ROBO1: variants seen among roughly 807,000 people sequenced by gnomAD.
The protein encoded by ROBO1 is roundabout guidance receptor 1, also known as roundabout homolog 1.
ROBO1 carries 149 observed loss-of-function variants against 195.9 expected under a neutral mutation model. The ratio of observed to expected loss-of-function variants is 0.76; its 90% CI spans 0.67 to 0.87. ROBO1 has a LOEUF of 0.87. Ranked by LOEUF, ROBO1 falls within the 40% of genes least tolerant of loss-of-function variation. The pLI is 0.00. For synonymous variants in ROBO1, 816 were observed against 733.2 expected, an observed-to-expected ratio of 1.11 and a Z score of -1.82; for missense variants, 1,933 against 2,068.3, an observed-to-expected ratio of 0.93 and a Z score of 1.27.
chr3:79,576,146 G>T (rs1022859961), intron 2 of ROBO1, among the ~76,000 whole-genome samples: 7 of 151,668 alleles, frequency 4.6e-5, no homozygotes. Flanking sequence ...CATTTGAACG[G>T]GGTTAAATAC....
chr3:79,026,051 G>A (rs2078197190), intron 3 of ROBO1, among the ~76,000 whole-genome samples: 1 of 152,048 alleles, frequency 6.6e-6, no homozygotes, highest in Non-Finnish European at 1.5e-5. Flanking sequence ...TGTATTACAT[G>A]TTATGTTTTA....
chr3:78,641,447 T>C (rs1037835868), intron 21 of ROBO1, among the ~76,000 whole-genome samples: 2 of 152,218 alleles, frequency 1.3e-5, no homozygotes, highest in Non-Finnish European at 2.9e-5. Flanking sequence ...GCCATCTTAC[T>C]ATTAAAATTG....
chr3:78,653,951 T>C (rs1347554646), intron 18 of ROBO1, among the ~76,000 whole-genome samples: 1 of 152,234 alleles, frequency 6.6e-6, no homozygotes, highest in African/African-American at 2.4e-5. Context: ...TTATAGCCAC[T>C]GTGCAAAGAG....
chr3:79,705,723 C>A (rs1281425514), intron 1 of ROBO1, among the ~76,000 whole-genome samples: 1 of 151,986 alleles, frequency 6.6e-6, no homozygotes, highest in African/African-American at 2.4e-5. Context: ...AAATAACTTG[C>A]TGGAGTTTTA....
rs1387864572 is a variant in ROBO1, at chr3:78,724,516, A to G, written c.658-6633T>C. On this transcript the variant is annotated intron_variant, in intron 5 of 30. Coordinates refer to ENST00000464233, the MANE Select transcript of ROBO1 (RefSeq NM_002941.4). ...CATGGTGAAACCCCATCTCTACTAA[A>G]AAAAAAAAAAAAAAAAAAAGCCTGG... Among the ~76,000 whole-genome samples the G allele has an allele frequency of 6.3e-4, 5 of 7,930 alleles. No homozygotes were observed. The East Asian group carries it at 0.14, about 227-fold the overall frequency. 5.2% of individuals were successfully genotyped at this position (7,930 alleles called of 152,430 possible).
intron 2 of ROBO1, among the ~76,000 whole-genome samples, chr3:79,464,906 T>C (rs2107284226): frequency 6.6e-6 from 1 of 152,312 alleles, no homozygotes; most frequent in Admixed American, 6.5e-5. Context: ...CTTCTGGCTT[T>C]AATCACATAG....
chr3:79,041,967 C>T (rs1341492877), intron 3 of ROBO1, among the ~76,000 whole-genome samples: 1 of 152,184 alleles, frequency 6.6e-6, no homozygotes, highest in Non-Finnish European at 1.5e-5. Context: ...GAGACTATAG[C>T]ATGACCAATT....
intron 2 of ROBO1, among the ~76,000 whole-genome samples, chr3:79,195,594 A>G (rs549940990): frequency 2.6e-5 from 4 of 151,688 alleles, no homozygotes; most frequent in Non-Finnish European, 4.4e-5. Context: ...GTATAATGAA[A>G]AATATTTTCA....
intron 3 of ROBO1, among the ~76,000 whole-genome samples, chr3:79,102,433 A>T (rs2079695549): frequency 1.3e-5 from 2 of 151,774 alleles, no homozygotes. Context: ...AATTAAGCTT[A>T]TTAAACATCA....
intron 1 of ROBO1, among the ~76,000 whole-genome samples, chr3:79,670,745 A>G (rs1301066421): frequency 6.6e-6 from 1 of 151,880 alleles, no homozygotes; most frequent in Admixed American, 6.6e-5. Flanking sequence ...TTTAGGACAG[A>G]AACTCACGTA....
chr3:79,210,491 A>T (rs1461032761), intron 2 of ROBO1, among the ~76,000 whole-genome samples: 1 of 152,180 alleles, frequency 6.6e-6, no homozygotes, highest in Non-Finnish European at 1.5e-5. Context: ...AAGGTACCTT[A>T]TATCTATCCA....
chr3:79,535,431 T>A (rs1353714399), intron 2 of ROBO1, among the ~76,000 whole-genome samples: 1 of 152,180 alleles, frequency 6.6e-6, no homozygotes, highest in Non-Finnish European at 1.5e-5. Flanking sequence ...GGAAGTGTGG[T>A]ACATTTTCCT....
At chr3:79,555,992 G>T (rs1465513738) in intron 2 of ROBO1, among the ~76,000 whole-genome samples, 5 of 151,988 alleles carry the variant, frequency 3.3e-5, no homozygotes, top group Non-Finnish European at 5.9e-5. Flanking sequence ...GTGCTTCTTT[G>T]TTATATAATT....
intron 10 of ROBO1, among the ~76,000 whole-genome samples, chr3:78,678,987 G>T (rs925157945): frequency 2.6e-5 from 4 of 151,996 alleles, no homozygotes; most frequent in Non-Finnish European, 4.4e-5. Context: ...ATGATCAAGC[G>T]GGCTTCATCC....
chr3:79,264,986 C>A (rs1391562850), intron 2 of ROBO1, among the ~76,000 whole-genome samples: 1 of 151,804 alleles, frequency 6.6e-6, no homozygotes, highest in African/African-American at 2.4e-5. Flanking sequence ...ATGTCAGCAG[C>A]GGCTGGAGGA....
chr3:79,708,397 A>T (rs556262769), intron 1 of ROBO1, among the ~76,000 whole-genome samples: 1 of 152,304 alleles, frequency 6.6e-6, no homozygotes, highest in Admixed American at 6.5e-5. Context: ...TTATTTTCTT[A>T]TGAAGGTGCC....
intron 4 of ROBO1, among the ~76,000 whole-genome samples, chr3:78,879,505 T>A (rs961267359): frequency 6.0e-5 from 9 of 150,588 alleles, no homozygotes; most frequent in Non-Finnish European, 5.9e-5. Context: ...ATGAACATCA[T>A]TACCACATGC....
intron 1 of ROBO1, among the ~76,000 whole-genome samples, chr3:79,703,922 T>C (rs1274306916): frequency 6.6e-6 from 1 of 151,984 alleles, no homozygotes; most frequent in Non-Finnish European, 1.5e-5. Context: ...AATGAATAGA[T>C]GGTGTTTTGT....
chr3:79,053,238 C>T (rs2078737407), intron 3 of ROBO1, among the ~76,000 whole-genome samples: 1 of 151,986 alleles, frequency 6.6e-6, no homozygotes, highest in African/African-American at 2.4e-5. Flanking sequence ...TCTTCCTCAA[C>T]CTTCCTCTCC....
Sources: gnomAD v4.1 joint callset for allele counts (sites outside exome capture counted in the v4.1 genomes callset) on GRCh38, gnomAD v4.1.1 for gene constraint, MANE v1.5 for transcripts, NCBI Gene and HGNC (gene_info 2026-07-23, HGNC 2026-07-21) for gene names.